The following CPQ variants were observed in gnomAD, a reference collection of about 807,000 sequenced individuals.
CPQ encodes the protein carboxypeptidase Q, also known as Ser-Met dipeptidase.
Under a neutral mutation model 45.7 loss-of-function variants are expected in CPQ, and 37 were observed. The ratio of observed to expected loss-of-function variants is 0.81; its 90% confidence interval spans 0.62 to 1.07. The LOEUF (loss-of-function observed/expected upper bound fraction) is 1.07. Among genes scored for constraint, CPQ ranks in the 50% least tolerant of loss-of-function variants. The pLI, the probability that CPQ is intolerant of heterozygous loss-of-function variation, is 0.00. For synonymous variants in CPQ, 186 were observed against 205.8 expected, an observed-to-expected ratio of 0.90 and a Z score of 0.82; for missense variants, 537 against 572.9, an observed-to-expected ratio of 0.94 and a Z score of 0.64.
At chr8:97,028,060 C>T (rs1216937581) in intron 5 of CPQ, among the ~76,000 whole-genome samples, 1 of 152,194 alleles carries the variant, frequency 6.6e-6, no homozygotes, top group Non-Finnish European at 1.5e-5. Flanking sequence ...TAGATGGAAA[C>T]ACCAATGGGA....
At chr8:97,039,227 C>A (rs1468748764) in intron 6 of CPQ, among the ~76,000 whole-genome samples, 2 of 152,128 alleles carry the variant, frequency 1.3e-5, no homozygotes, top group Non-Finnish European at 2.9e-5. Context: ...AAAGCAAGAA[C>A]AGAACCCTTT....
At chr8:97,035,123 C>T (rs1809976073) in intron 6 of CPQ, among the ~76,000 whole-genome samples, 1 of 152,092 alleles carries the variant, frequency 6.6e-6, no homozygotes, top group Non-Finnish European at 1.5e-5. Flanking sequence ...GATCTCTCGA[C>T]CTCGTGATCC....
intron 1 of CPQ, among the ~76,000 whole-genome samples, chr8:96,690,993 G>A (rs1809297197): frequency 6.6e-6 from 1 of 152,216 alleles, no homozygotes; most frequent in Non-Finnish European, 1.5e-5. Context: ...CAATATCCAT[G>A]TGTGAGACAT....
intron 1 of CPQ, among the ~76,000 whole-genome samples, chr8:96,692,742 A>G (rs1008543332): frequency 3.3e-5 from 5 of 152,226 alleles, no homozygotes; most frequent in African/African-American, 1.2e-4. Context: ...AAATAAGTCC[A>G]GGCTGCAAAG....
At chr8:96,924,666 G>A (rs1812850074) in intron 4 of CPQ, among the ~76,000 whole-genome samples, 1 of 152,116 alleles carries the variant, frequency 6.6e-6, no homozygotes, top group Non-Finnish European at 1.5e-5. Context: ...AGTTGGGAGA[G>A]AAATATTTGA....
intron 5 of CPQ, among the ~76,000 whole-genome samples, chr8:96,971,045 G>C (rs1813667139): frequency 6.6e-6 from 1 of 152,222 alleles, no homozygotes; most frequent in African/African-American, 2.4e-5. Flanking sequence ...TTTGTTGGGA[G>C]AGTATTCACT....
At chr8:97,030,132 T>C (rs139258996) in intron 6 of CPQ, among the ~76,000 whole-genome samples, 3 of 152,266 alleles carry the variant, frequency 2.0e-5, no homozygotes, top group South Asian at 4.1e-4. Context: ...GACAGCAAAA[T>C]ATACAAGCTG....
chr8:96,750,574 T>G (rs2077203362), intron 1 of CPQ, among the ~76,000 whole-genome samples: 1 of 151,828 alleles, frequency 6.6e-6, no homozygotes, highest in South Asian at 2.1e-4. Flanking sequence ...GATTTTTGAT[T>G]CCTGAGATCT....
At chr8:96,974,148 C>T (rs935631807) in intron 5 of CPQ, among the ~76,000 whole-genome samples, 2 of 152,002 alleles carry the variant, frequency 1.3e-5, no homozygotes, top group African/African-American at 4.8e-5. Context: ...TAAGGACTCA[C>T]GTAAACTTAA....
intron 1 of CPQ, among the ~76,000 whole-genome samples, chr8:96,671,319 C>CGT (rs532387025): frequency 4.7e-4 from 72 of 152,108 alleles, no homozygotes; most frequent in African/African-American, 1.7e-3. Context: ...TATAAAAAAG[C>CGT]GTGTGTGTGT....
intron 7 of CPQ, among the ~76,000 whole-genome samples, chr8:97,113,028 C>T (rs531114447): frequency 6.6e-6 from 1 of 152,228 alleles, no homozygotes; most frequent in East Asian, 1.9e-4. Context: ...AGTCATGCTG[C>T]CCTGGGAGTG....
chr8:96,704,573 A>G (rs534904102), intron 1 of CPQ, among the ~76,000 whole-genome samples: 1 of 152,302 alleles, frequency 6.6e-6, no homozygotes, highest in East Asian at 1.9e-4. Context: ...AGAATGGAAC[A>G]TTAGAATGTG....
At chr8:96,852,691 A>C (rs1811787326) in intron 3 of CPQ, among the ~76,000 whole-genome samples, 1 of 152,152 alleles carries the variant, frequency 6.6e-6, no homozygotes, top group Non-Finnish European at 1.5e-5. Context: ...GTCTGGGGGA[A>C]ACTAAATTTG....
chr8:96,922,325 G>A (rs944310744), intron 4 of CPQ, among the ~76,000 whole-genome samples: 8 of 152,128 alleles, frequency 5.3e-5, no homozygotes, highest in African/African-American at 1.9e-4. Context: ...GACATAAGTA[G>A]AGGGTTTGGA....
intron 1 of CPQ, among the ~76,000 whole-genome samples, chr8:96,783,708 G>C (rs1202914509): frequency 1.3e-5 from 2 of 152,128 alleles, no homozygotes; most frequent in Non-Finnish European, 2.9e-5. Flanking sequence ...TGTTCTGTCT[G>C]TGCTGCTTAA....
chr8:96,854,524 C>A (rs1811815505), intron 3 of CPQ, among the ~76,000 whole-genome samples: 1 of 32,756 alleles, frequency 3.1e-5, no homozygotes, highest in African/African-American at 1.7e-4. Context: ...GAGCGAGACT[C>A]CGTCTCAAAA....
intron 1 of CPQ, among the ~76,000 whole-genome samples, chr8:96,694,148 G>T (rs184944314): frequency 6.6e-6 from 1 of 151,792 alleles, no homozygotes; most frequent in Non-Finnish European, 1.5e-5. Context: ...TTAAAACATA[G>T]CACCAGATAA....
chr8:97,115,549 G>A (rs1294770013), intron 7 of CPQ, among the ~76,000 whole-genome samples: 1 of 152,192 alleles, frequency 6.6e-6, no homozygotes, highest in East Asian at 1.9e-4. Context: ...ATGGCAATTT[G>A]AAAACGTCTG....
rs557026225 is a variant in CPQ at position 96,779,324 on chromosome 8, T to C, written c.-34-5540T>C. Among the ~76,000 whole-genome samples the C allele has an allele frequency of 3.9e-5, 6 of 152,266 alleles. No individual in the cohort carries two copies. The South Asian group carries it at 1.2e-3, about 32-fold the overall frequency. On this transcript the variant is annotated intron_variant, in intron 1 of 7. Transcript: ENST00000220763. ...TTTTTTTTGTTCTCATGGTACTCTATGCATGAGAATGTTTGAGTATATATA... is the reference window on the plus strand; with the variant it reads ...TTTTTTTTGTTCTCATGGTACTCTACGCATGAGAATGTTTGAGTATATATA...
Sources: allele counts gnomAD v4.1 joint callset (sites outside exome capture counted in the v4.1 genomes callset), GRCh38; gene constraint gnomAD v4.1.1; transcripts MANE v1.5; gene names NCBI Gene and HGNC (gene_info 2026-07-23, HGNC 2026-07-21).